RALGAPA2: variants seen among roughly 807,000 people sequenced by gnomAD.
RALGAPA2 encodes ral GTPase-activating protein subunit alpha-2.
A neutral mutation model predicts 230.4 loss-of-function variants in RALGAPA2; 139 were observed. That is an observed-to-expected ratio of 0.60 (90% confidence interval 0.53 to 0.69). The LOEUF (loss-of-function observed/expected upper bound fraction) is 0.69. Among genes scored for constraint, RALGAPA2 ranks in the 30% least tolerant of loss-of-function variants. The pLI is 0.00. For missense variants in RALGAPA2, 2,163 were observed against 2,276.0 expected (o/e 0.95, Z 1.01); for synonymous variants, 847 against 837.8 (o/e 1.01, Z -0.19).
chr20:20,531,711 G>C lies in RALGAPA2; in HGVS notation c.3558C>G (p.Ile1186Met), dbSNP rs762578927. Residue 1186 changes from isoleucine (I) to methionine (M), a missense_variant, in exon 27 of 40, where the codon ATC becomes ATG. Physicochemically the swap from Ile to Met is conservative, Grantham distance 10. Transcript: ENST00000202677. The part of the protein sequence containing the change: ...CTSHPQVKEA[I>M]NVIGVTLKFP... Reference sequence around the variant, plus strand: ...CCTTCAGAGTTACTCCTATCACATTGATGGCCTCTTTCACCTGAGGGTGGC... The same window carrying C: ...CCTTCAGAGTTACTCCTATCACATTCATGGCCTCTTTCACCTGAGGGTGGC... 1.2e-6 allele frequency: 2 copies of C among 1,606,674 alleles called. No homozygotes were observed. The highest frequency in any genetic ancestry group is 2.2e-5 in the East Asian group (1 of 44,776).
At chr20:20,562,268 T>C (rs899986747) in intron 23 of RALGAPA2, among the ~76,000 whole-genome samples, 2 of 152,140 alleles carry the variant, frequency 1.3e-5, no homozygotes, top group Admixed American at 6.5e-5. Context: ...TGCACTCCAG[T>C]GACTCTATTA....
chr20:20,419,046 T>C (rs1306416422), intron 37 of RALGAPA2, among the ~76,000 whole-genome samples: 3 of 152,188 alleles, frequency 2.0e-5, no homozygotes, highest in Non-Finnish European at 4.4e-5. Context: ...GGCCTATATA[T>C]ATTTTAAAAA....
At chr20:20,500,511 T>C (rs770891410) in intron 35 of RALGAPA2, among the ~76,000 whole-genome samples, 1 of 152,252 alleles carries the variant, frequency 6.6e-6, no homozygotes, top group Non-Finnish European at 1.5e-5. Context: ...TATCATGACA[T>C]TGCAGTAATT....
chr20:20,616,135 AG>A lies in RALGAPA2; in HGVS notation c.1595del (p.Pro532LeufsTer4). ...IFLLEPCAEV[P>X]VLLKEQVDAC... ...CATCAACTTGTTCTTTCAAGAGCAC[AG>A]GAACTTCAGCACATGGTTCCAACAA... On this transcript the variant is annotated frameshift_variant, in exon 13 of 40. Transcript: ENST00000202677. LOFTEE classifies it high-confidence loss of function. 1 of 1,553,896 alleles carries A rather than the reference AG, an allele frequency of 6.4e-7. No individual in the cohort carries two copies. Among genetic ancestry groups the A allele is most frequent in the Non-Finnish European group, 8.7e-7 (1 of 1,149,216 alleles).
intron 4 of RALGAPA2, among the ~76,000 whole-genome samples, chr20:20,652,928 A>G (rs2067454577): frequency 1.3e-5 from 2 of 152,176 alleles, no homozygotes; most frequent in South Asian, 4.1e-4. Flanking sequence ...ACGGTGGCTT[A>G]CACCTATAAT....
chr20:20,512,890 T>C lies in RALGAPA2; in HGVS notation c.4479A>G (p.Ser1493=), dbSNP rs1190024352. Residue 1493 remains serine (S), a synonymous_variant, in exon 32 of 40, where the codon TCA becomes TCG. Transcript: ENST00000202677. ...GCLAPNGRNP[S]FLISSWHRDT... ...CACGATGCCAGCTCGAAATCAGAAA[T>C]GAAGGATTTCTTCCATTGGGTGCTA... 6.2e-7 allele frequency: 1 copy of C among 1,613,802 alleles called. No individual in the cohort carries two copies. The highest frequency in any genetic ancestry group is 1.1e-5 in the South Asian group (1 of 91,076).
At chr20:20,584,826 A>T in intron 19 of RALGAPA2, 39 bp downstream of exon 19, 1 of 1,380,038 alleles carries the variant, frequency 7.2e-7, no homozygotes, top group Non-Finnish European at 1.0e-6. Flanking sequence ...GAACATATCA[A>T]CTCTGTAGTT....
intron 1 of RALGAPA2, among the ~76,000 whole-genome samples, chr20:20,709,238 G>A (rs950725801): frequency 1.1e-4 from 17 of 152,066 alleles, no homozygotes; most frequent in African/African-American, 4.1e-4. Context: ...AGAATTGCTT[G>A]AGCCCAGGAG....
chr20:20,514,453 C>G (rs370325347), intron 31 of RALGAPA2, among the ~76,000 whole-genome samples: 1 of 151,882 alleles, frequency 6.6e-6, no homozygotes, highest in Non-Finnish European at 1.5e-5. Context: ...CCTCCTCTGC[C>G]GAGATCCTGG....
intron 36 of RALGAPA2, among the ~76,000 whole-genome samples, chr20:20,474,253 G>A (rs533561015): frequency 6.6e-6 from 1 of 152,264 alleles, no homozygotes; most frequent in South Asian, 2.1e-4. Flanking sequence ...GCCTTGTGGT[G>A]GGAGTAGAAT....
chr20:20,637,255 A>G, intron 8 of RALGAPA2, 108 bp downstream of exon 8: 1 of 921,468 alleles, frequency 1.1e-6, no homozygotes, highest in Non-Finnish European at 1.5e-6. Flanking sequence ...ACCATTCAAT[A>G]CAAAAATAAA....
At chr20:20,571,771 G>C in intron 22 of RALGAPA2, 77 bp downstream of exon 22, 1 of 1,476,434 alleles carries the variant, frequency 6.8e-7, no homozygotes, top group Non-Finnish European at 9.3e-7. Flanking sequence ...TGCAGTCTTG[G>C]GCAATTACAT....
intron 1 of RALGAPA2, among the ~76,000 whole-genome samples, chr20:20,706,205 G>A (rs1347656062): frequency 1.3e-5 from 2 of 152,178 alleles, no homozygotes; most frequent in Non-Finnish European, 1.5e-5. Flanking sequence ...AAACGAGTTT[G>A]GACATTTACC....
chr20:20,585,151 A>C (rs1027251733), intron 18 of RALGAPA2, among the ~76,000 whole-genome samples, 196 bp from the exon 19 acceptor site: 6 of 152,248 alleles, frequency 3.9e-5, no homozygotes, highest in African/African-American at 1.4e-4. Context: ...CTGAAACTTT[A>C]ATTTATATCC....
At chr20:20,498,391 T>G (rs1350122625) in intron 35 of RALGAPA2, among the ~76,000 whole-genome samples, 2 of 152,232 alleles carry the variant, frequency 1.3e-5, no homozygotes, top group Non-Finnish European at 2.9e-5. Context: ...CAACTTTTCA[T>G]CCTAACAGAG....
intron 16 of RALGAPA2, among the ~76,000 whole-genome samples, chr20:20,600,967 G>A (rs951280945): frequency 6.6e-6 from 1 of 152,116 alleles, no homozygotes; most frequent in Non-Finnish European, 1.5e-5. Flanking sequence ...GGGCGTCGTG[G>A]CACGCGCCTG....
chr20:20,393,485 A>G (rs1159887162), intron 39 of RALGAPA2, among the ~76,000 whole-genome samples: 1 of 152,218 alleles, frequency 6.6e-6, no homozygotes, highest in African/African-American at 2.4e-5. Context: ...GAAGCTATGA[A>G]TCTTGTGAAA....
chr20:20,706,262 T>C (rs1050355702), intron 1 of RALGAPA2, among the ~76,000 whole-genome samples: 5 of 152,286 alleles, frequency 3.3e-5, no homozygotes, highest in Admixed American at 3.3e-4. Flanking sequence ...CCTCAAGCCT[T>C]AGAGGGATGG....
At chr20:20,704,266 A>G (rs986587999) in intron 1 of RALGAPA2, among the ~76,000 whole-genome samples, 4 of 152,180 alleles carry the variant, frequency 2.6e-5, no homozygotes, top group African/African-American at 9.7e-5. Context: ...GTCTCACTGC[A>G]GATCACACCG....
Sources: gnomAD v4.1 joint callset for allele counts (sites outside exome capture counted in the v4.1 genomes callset) on GRCh38, gnomAD v4.1.1 for gene constraint, MANE v1.5 for transcripts, NCBI Gene and HGNC (gene_info 2026-07-23, HGNC 2026-07-21) for gene names.